DLGAP2: variants seen among roughly 807,000 people sequenced by gnomAD.
DLGAP2 encodes disks large-associated protein 2.
In DLGAP2, 26 loss-of-function variants were observed where a neutral mutation model predicts 100.3. The observed-to-expected ratio is 0.26, with a 90% CI of 0.19 to 0.36. DLGAP2 has a LOEUF of 0.36. Among genes scored for constraint, DLGAP2 ranks in the 10% least tolerant of loss-of-function variants. The pLI is 1.00. For synonymous variants in DLGAP2, 886 were observed against 630.1 expected, an observed-to-expected ratio of 1.41 and a Z score of -6.08; for missense variants, 1,858 against 1,453.2, an observed-to-expected ratio of 1.28 and a Z score of -4.53.
intron 2 of DLGAP2, among the ~76,000 whole-genome samples, chr8:915,895 G>A (rs1338320837): frequency 6.9e-6 from 1 of 144,870 alleles, no homozygotes; most frequent in Admixed American, 6.9e-5. Context: ...TGGTTTCCGT[G>A]TGTGTTAACC....
At chr8:1,554,729 T>C (rs1296197670) in intron 5 of DLGAP2, among the ~76,000 whole-genome samples, 2 of 152,132 alleles carry the variant, frequency 1.3e-5, no homozygotes, top group Non-Finnish European at 2.9e-5. Context: ...AGGTGTCCCA[T>C]GTTCCAGAAC....
chr8:993,176 C>T (rs1323633367), intron 2 of DLGAP2, among the ~76,000 whole-genome samples: 3 of 28,368 alleles, frequency 1.1e-4, no homozygotes. Flanking sequence ...TGCCCGGACC[C>T]CCTGCACCCC....
intron 3 of DLGAP2, among the ~76,000 whole-genome samples, chr8:1,270,177 C>T (rs1799551316): frequency 6.6e-6 from 1 of 152,024 alleles, no homozygotes; most frequent in Non-Finnish European, 1.5e-5. Context: ...AGATGGGAAG[C>T]CGTGTGCAGG....
At chr8:1,438,379 G>C (rs1362998307) in intron 3 of DLGAP2, among the ~76,000 whole-genome samples, 1 of 152,066 alleles carries the variant, frequency 6.6e-6, no homozygotes, top group African/African-American at 2.4e-5. Context: ...CATCAGATTC[G>C]CTGCTTAGGA....
chr8:1,262,939 C>T (rs183457616), intron 3 of DLGAP2, among the ~76,000 whole-genome samples: 4 of 152,290 alleles, frequency 2.6e-5, no homozygotes, highest in Admixed American at 2.6e-4. Flanking sequence ...TTTGTCACCA[C>T]AGCAGATAGA....
At chr8:1,639,677 G>T (rs1487554606) in intron 8 of DLGAP2, among the ~76,000 whole-genome samples, 1 of 152,232 alleles carries the variant, frequency 6.6e-6, no homozygotes, top group Non-Finnish European at 1.5e-5. Context: ...AGTCACAGAG[G>T]TTAGAAGTCT....
At chr8:1,408,134 C>A (rs1017943355) in intron 3 of DLGAP2, among the ~76,000 whole-genome samples, 2 of 152,262 alleles carry the variant, frequency 1.3e-5, no homozygotes, top group East Asian at 3.8e-4. Context: ...CAAGCCTGGT[C>A]TCTGGCTCAC....
intron 1 of DLGAP2, among the ~76,000 whole-genome samples, chr8:847,555 G>A (rs1484329824): frequency 6.6e-6 from 1 of 151,784 alleles, no homozygotes; most frequent in Non-Finnish European, 1.5e-5. Context: ...CACCCAGGCT[G>A]GAGTGCAAGT....
At position 1,634,427 on chromosome 8, in the gene DLGAP2, A is replaced by C. The variant is rs548801970; in HGVS notation, c.1810+1381A>C. Among the ~76,000 whole-genome samples, 3 of 152,240 alleles carry C rather than the reference A, an allele frequency of 2.0e-5. No homozygotes were observed. The East Asian group carries it at 5.8e-4, about 29-fold the overall frequency. ...ACCCAAGGGAAATCCACAGGCTGAC[A>C]ACACATCCCCCAGGTGCAGCCACCG... is the stretch of plus-strand genomic sequence containing the variant. On this transcript the variant is annotated intron_variant, in intron 8 of 14. Transcript: ENST00000637795.
At chr8:1,169,918 G>T (rs369787018) in intron 2 of DLGAP2, among the ~76,000 whole-genome samples, 118 of 152,066 alleles carry the variant, frequency 7.8e-4, no homozygotes, top group South Asian at 6.5e-3. Flanking sequence ...TCCAACACTA[G>T]GTTGAATAGG....
chr8:1,003,301 T>C (rs1351524607), intron 2 of DLGAP2: 2 of 152,266 alleles, frequency 1.3e-5, no homozygotes, highest in Non-Finnish European at 2.9e-5. Flanking sequence ...GGCCTCACTA[T>C]CAGGTGGGCA....
At chr8:813,435 C>A (rs1796407977) in intron 1 of DLGAP2, among the ~76,000 whole-genome samples, 1 of 152,058 alleles carries the variant, frequency 6.6e-6, no homozygotes, top group Non-Finnish European at 1.5e-5. Flanking sequence ...ATAATGTCAT[C>A]TTGTTTCTTT....
intron 5 of DLGAP2, among the ~76,000 whole-genome samples, chr8:1,558,970 A>T (rs1050987618): frequency 2.6e-5 from 4 of 152,324 alleles, no homozygotes; most frequent in African/African-American, 9.6e-5. Context: ...CCTCGGTTCC[A>T]GTGCCTCCAA....
chr8:1,089,833 C>T (rs1435769096), intron 2 of DLGAP2, among the ~76,000 whole-genome samples: 1 of 152,200 alleles, frequency 6.6e-6, no homozygotes, highest in East Asian at 1.9e-4. Flanking sequence ...GTGATCAGAC[C>T]TGATTGTTTG....
At chr8:1,133,519 C>G (rs1311575356) in intron 2 of DLGAP2, among the ~76,000 whole-genome samples, 2 of 152,116 alleles carry the variant, frequency 1.3e-5, no homozygotes, top group African/African-American at 4.8e-5. Flanking sequence ...CCAACTTTAT[C>G]AGAAATAGAT....
chr8:996,933 C>T (rs776108707), intron 2 of DLGAP2, among the ~76,000 whole-genome samples: 32 of 152,152 alleles, frequency 2.1e-4, no homozygotes, highest in Admixed American at 2.0e-3. Context: ...TTTAGAATTT[C>T]GCTTTGGAAC....
In DLGAP2 at chr8:1,365,943, G is replaced by A. The variant is rs1028261537; in HGVS notation, c.106+107060G>A. Among the ~76,000 whole-genome samples the A allele has an allele frequency of 9.2e-5, 14 of 152,218 alleles. 1 individual carries two copies. The highest frequency in any genetic ancestry group is 2.1e-4 in the South Asian group (1 of 4,826). ...AGAAGCCACATGCCTGTAGCTTCACGTCTCTTTGTGGAGAAATTGCTCAGA... is the reference window on the plus strand; with the variant it reads ...AGAAGCCACATGCCTGTAGCTTCACATCTCTTTGTGGAGAAATTGCTCAGA... On this transcript the variant is annotated intron_variant, in intron 3 of 14. Transcript: ENST00000637795.
chr8:1,001,084 G>C (rs1800942190), intron 2 of DLGAP2, among the ~76,000 whole-genome samples: 1 of 152,158 alleles, frequency 6.6e-6, no homozygotes, highest in African/African-American at 2.4e-5. Flanking sequence ...CAATGACAGA[G>C]GGAATCACAA....
chr8:1,172,525 C>G (rs1365337766), intron 2 of DLGAP2, among the ~76,000 whole-genome samples: 1 of 152,232 alleles, frequency 6.6e-6, no homozygotes, highest in Non-Finnish European at 1.5e-5. Flanking sequence ...GTGCACCAAT[C>G]AGACGTAGAT....
Sources: gnomAD v4.1 joint callset for allele counts (sites outside exome capture counted in the v4.1 genomes callset) on GRCh38, gnomAD v4.1.1 for gene constraint, MANE v1.5 for transcripts, NCBI Gene and HGNC (gene_info 2026-07-23, HGNC 2026-07-21) for gene names.